The following MAGI1 variants were observed in gnomAD, a reference collection of about 807,000 sequenced individuals.
MAGI1 encodes the protein membrane-associated guanylate kinase, WW and PDZ domain-containing protein 1.
MAGI1 carries 58 observed loss-of-function variants against 139.9 expected under a neutral mutation model. The observed-to-expected ratio is 0.41, with a 90% CI of 0.34 to 0.52. The LOEUF is 0.52. Ranked by LOEUF, MAGI1 falls within the 20% of genes least tolerant of loss-of-function variation. MAGI1 has a pLI of 0.12. For synonymous variants in MAGI1, 812 were observed against 737.9 expected (o/e 1.10, Z -1.63); for missense variants, 1,874 against 1,901.6 (o/e 0.99, Z 0.27).
intron 2 of MAGI1, among the ~76,000 whole-genome samples, chr3:65,564,176 A>C (rs2080503327): frequency 6.6e-6 from 1 of 152,146 alleles, no homozygotes; most frequent in Non-Finnish European, 1.5e-5. Context: ...AACGGAGTGC[A>C]GGGCTGGCAA....
At chr3:65,773,917 G>A (rs1233118745) in intron 1 of MAGI1, among the ~76,000 whole-genome samples, 4 of 151,858 alleles carry the variant, frequency 2.6e-5, no homozygotes, top group African/African-American at 7.3e-5. Context: ...TGCTGAACAA[G>A]GTACAAATTA....
chr3:65,551,107 G>T (rs945615246), intron 2 of MAGI1, among the ~76,000 whole-genome samples: 1 of 152,164 alleles, frequency 6.6e-6, no homozygotes, highest in African/African-American at 2.4e-5. Context: ...TCATGGGGGC[G>T]ATTTCTGCCA....
chr3:65,492,844 C>G (rs540917716), intron 3 of MAGI1, among the ~76,000 whole-genome samples: 19 of 151,918 alleles, frequency 1.3e-4, no homozygotes, highest in Admixed American at 9.2e-4. Context: ...TTTGGGAGGC[C>G]AAGGCGGGCG....
intron 1 of MAGI1, among the ~76,000 whole-genome samples, chr3:65,965,052 T>C (rs965182909): frequency 2.6e-5 from 4 of 152,232 alleles, no homozygotes; most frequent in Non-Finnish European, 5.9e-5. Flanking sequence ...AAAACTTTCC[T>C]AAGTGGCCAG....
intron 13 of MAGI1, 52 bp from the exon 14 acceptor site, chr3:65,391,410 C>G (rs1488399125): frequency 2.0e-6 from 3 of 1,477,932 alleles, no homozygotes; most frequent in Non-Finnish European, 2.8e-6. Context: ...TATTGGTTCT[C>G]TGAATGGGTG....
chr3:65,734,279 G>C (rs1336590840), intron 1 of MAGI1, among the ~76,000 whole-genome samples: 1 of 152,008 alleles, frequency 6.6e-6, no homozygotes, highest in African/African-American at 2.4e-5. Context: ...GAGCAACACA[G>C]GGAGACCCTG....
In MAGI1 at chr3:65,993,276, C is replaced by T. The variant is rs374629059; in HGVS notation, c.313+44720G>A. On this transcript the variant is annotated intron_variant, in intron 1 of 22. Coordinates refer to ENST00000402939, the MANE Select transcript of MAGI1 (RefSeq NM_001033057.2). ...GCTTTACATGGTTTTACCAGCAACC[C>T]ATCTGATACCAGTTTCCCCACTGAG... Among the ~76,000 whole-genome samples, 9 of 152,284 alleles carry T rather than the reference C, an allele frequency of 5.9e-5. No individual in the cohort carries two copies. In the East Asian group the frequency reaches 1.7e-3, roughly 29 times the overall value.
intron 2 of MAGI1, among the ~76,000 whole-genome samples, chr3:65,510,973 A>T (rs1167729338): frequency 9.5e-5 from 14 of 148,108 alleles, no homozygotes; most frequent in Non-Finnish European, 9.1e-5. Context: ...AAACCCTACA[A>T]GCCAGAAGAG....
chr3:65,540,418 T>A (rs2079155266), intron 2 of MAGI1, among the ~76,000 whole-genome samples: 1 of 152,180 alleles, frequency 6.6e-6, no homozygotes, highest in Admixed American at 6.5e-5. Context: ...TTGGTTGAAT[T>A]CACTACTATA....
intron 1 of MAGI1, chr3:65,893,683 T>C (rs1343983292): frequency 6.6e-6 from 1 of 152,214 alleles, no homozygotes; most frequent in African/African-American, 2.4e-5. Context: ...AGAACTACTA[T>C]TTGAATTCAT....
At chr3:65,618,864 C>T (rs1180083664) in intron 2 of MAGI1, among the ~76,000 whole-genome samples, 1 of 152,158 alleles carries the variant, frequency 6.6e-6, no homozygotes, top group East Asian at 1.9e-4. Context: ...CCAGGCCACA[C>T]AGCCAGCAGA....
At chr3:65,431,451 T>A (rs1311716413) in intron 10 of MAGI1, among the ~76,000 whole-genome samples, 3 of 152,214 alleles carry the variant, frequency 2.0e-5, no homozygotes, top group African/African-American at 7.2e-5. Context: ...TTACTTTGAA[T>A]TGAATTCTAA....
intron 1 of MAGI1, among the ~76,000 whole-genome samples, chr3:65,861,456 C>A (rs1312461524): frequency 6.6e-6 from 1 of 152,124 alleles, no homozygotes; most frequent in Non-Finnish European, 1.5e-5. Context: ...AAGAACTAAA[C>A]CCCTTATCTG....
intron 2 of MAGI1, among the ~76,000 whole-genome samples, chr3:65,592,342 G>C (rs2082008244): frequency 6.6e-6 from 1 of 152,248 alleles, no homozygotes; most frequent in Middle Eastern, 3.4e-3. Context: ...TGAATACAAA[G>C]TGTGCAACTG....
chr3:65,671,224 G>A (rs2086838569), intron 1 of MAGI1, among the ~76,000 whole-genome samples: 1 of 152,148 alleles, frequency 6.6e-6, no homozygotes, highest in Admixed American at 6.6e-5. Context: ...CCGGGATTTG[G>A]CACTCTAGAG....
chr3:65,860,720 T>TGC (rs2108441273), intron 1 of MAGI1, among the ~76,000 whole-genome samples: 1 of 152,286 alleles, frequency 6.6e-6, no homozygotes, highest in East Asian at 1.9e-4. Context: ...GCAGGATGCG[T>TGC]GCGGTAGGTT....
chr3:65,818,475 A>G (rs1271108164), intron 1 of MAGI1, among the ~76,000 whole-genome samples: 1 of 152,196 alleles, frequency 6.6e-6, no homozygotes, highest in Non-Finnish European at 1.5e-5. Context: ...ACGTGGGAGA[A>G]AGGAAAGACT....
chr3:65,417,600 A>G (rs1946322277), intron 12 of MAGI1, among the ~76,000 whole-genome samples: 2 of 152,092 alleles, frequency 1.3e-5, no homozygotes, highest in Admixed American at 1.3e-4. Context: ...TGGTGAAAAG[A>G]AAGTCCTAGG....
At chr3:65,710,442 G>A (rs541967809) in intron 1 of MAGI1, among the ~76,000 whole-genome samples, 75 of 151,584 alleles carry the variant, frequency 4.9e-4, no homozygotes, top group African/African-American at 1.5e-3. Flanking sequence ...CACCATGCCC[G>A]GCTAATTTTG....
Sources: allele counts gnomAD v4.1 joint callset (sites outside exome capture counted in the v4.1 genomes callset), GRCh38; gene constraint gnomAD v4.1.1; transcripts MANE v1.5; gene names NCBI Gene and HGNC (gene_info 2026-07-23, HGNC 2026-07-21).